Variants in PTPRK observed in about 807,000 individuals in gnomAD.
PTPRK encodes the protein receptor-type tyrosine-protein phosphatase kappa.
Under a neutral mutation model 178.0 loss-of-function variants are expected in PTPRK, and 75 were observed. The observed-to-expected ratio is 0.42, with a 90% CI of 0.35 to 0.51. The LOEUF (loss-of-function observed/expected upper bound fraction) is 0.51. Among genes scored for constraint, PTPRK ranks in the 20% least tolerant of loss-of-function variants. The pLI, the probability that PTPRK is intolerant of heterozygous loss-of-function variation, is 0.02. For missense variants in PTPRK, 1,441 were observed against 1,797.8 expected (o/e 0.80, Z 3.59); for synonymous variants, 637 against 620.6 (o/e 1.03, Z -0.39).
intron 3 of PTPRK, among the ~76,000 whole-genome samples, chr6:128,296,381 A>C (rs1439946166): frequency 1.3e-5 from 2 of 152,172 alleles, no homozygotes; most frequent in African/African-American, 4.8e-5. Flanking sequence ...GAATGCCACA[A>C]AGATACTCCT....
chr6:127,991,255 T>A lies in PTPRK; in HGVS notation c.2979+39A>T, dbSNP rs771995058. 6 of 1,485,126 alleles carry A rather than the reference T, an allele frequency of 4.0e-6. No individual in the cohort carries two copies. In the Admixed American group the frequency reaches 9.5e-5, roughly 23 times the overall value. The allele number at this position is 1,485,126 out of a possible 1,614,324, so 92.0% of individuals were successfully genotyped here. A position where few individuals can be genotyped will look rare whatever the true frequency, so the allele number is the denominator to read the frequency against. Reference sequence around the variant, plus strand: ...CTTACATGTTGCTTCTCAACTATGTTCATTTTTATGACAAAAAAATTCTTT... The same window carrying A: ...CTTACATGTTGCTTCTCAACTATGTACATTTTTATGACAAAAAAATTCTTT... On this transcript the variant is annotated intron_variant, in intron 20 of 29. Transcript: ENST00000368226.
chr6:128,343,976 G>GT (rs1832046529), intron 2 of PTPRK, among the ~76,000 whole-genome samples: 1 of 152,140 alleles, frequency 6.6e-6, no homozygotes, highest in African/African-American at 2.4e-5. Context: ...AGTGATTTTC[G>GT]TAACACTTCC....
chr6:128,192,812 A>G (rs1014120162), intron 6 of PTPRK, among the ~76,000 whole-genome samples: 1 of 139,488 alleles, frequency 7.2e-6, no homozygotes, highest in African/African-American at 2.6e-5. Context: ...ATGAGACCCT[A>G]TATCAGAAAA....
chr6:128,324,419 T>C (rs1373822303), intron 2 of PTPRK, among the ~76,000 whole-genome samples: 1 of 152,094 alleles, frequency 6.6e-6, no homozygotes, highest in Non-Finnish European at 1.5e-5. Context: ...GAATTTTCAG[T>C]CAGTTGTACC....
At chr6:128,449,966 G>A (rs1847561517) in intron 1 of PTPRK, among the ~76,000 whole-genome samples, 1 of 151,320 alleles carries the variant, frequency 6.6e-6, no homozygotes, top group African/African-American at 2.4e-5. Context: ...AAAATTGCCA[G>A]GCATAATGGC....
chr6:128,330,683 A>T (rs1391344883), intron 2 of PTPRK, among the ~76,000 whole-genome samples: 3 of 152,058 alleles, frequency 2.0e-5, no homozygotes, highest in Admixed American at 6.6e-5. Flanking sequence ...AGCCAGGTTA[A>T]TTTTTTTAAA....
chr6:128,260,206 A>G (rs974355499), intron 3 of PTPRK, among the ~76,000 whole-genome samples: 1 of 152,056 alleles, frequency 6.6e-6, no homozygotes, highest in Non-Finnish European at 1.5e-5. Context: ...ATTTTTTAAA[A>G]GATTGGATTT....
intron 1 of PTPRK, among the ~76,000 whole-genome samples, chr6:128,401,169 T>C (rs1002641191): frequency 1.3e-5 from 2 of 152,184 alleles, no homozygotes; most frequent in African/African-American, 4.8e-5. Context: ...GTTTCTATGA[T>C]AGCAAGCCAC....
intron 13 of PTPRK, among the ~76,000 whole-genome samples, chr6:128,032,581 T>C (rs1036793584): frequency 6.6e-6 from 1 of 152,140 alleles, no homozygotes; most frequent in Non-Finnish European, 1.5e-5. Context: ...TAACCAGATA[T>C]AAAAAGTCAA....
In PTPRK at chr6:127,969,504, G is replaced by A. The variant is rs1005901179; in HGVS notation, c.*723C>T. 11 of 151,698 alleles carry A rather than the reference G, an allele frequency of 7.3e-5. No homozygotes were observed. Among genetic ancestry groups the A allele is most frequent in the African/African-American group, 1.7e-4 (7 of 41,298 alleles). The allele number at this position is 151,698 out of a possible 1,614,324, so 9.4% of individuals were successfully genotyped here. The stretch of plus-strand genomic sequence containing the variant: ...ATACAAAAAATAATCTACAAAAATC[G>A]TTTACAATTGATTTTAGCTAAAGAA... On this transcript the variant is annotated 3_prime_UTR_variant, in exon 30 of 30. Transcript: ENST00000368226.
intron 13 of PTPRK, among the ~76,000 whole-genome samples, chr6:128,009,806 G>A (rs1197720979): frequency 6.6e-6 from 1 of 151,166 alleles, no homozygotes; most frequent in Non-Finnish European, 1.5e-5. Flanking sequence ...GTTGGCACAA[G>A]AGAAGAATAG....
At chr6:128,153,182 G>A (rs1797515171) in intron 7 of PTPRK, among the ~76,000 whole-genome samples, 1 of 151,908 alleles carries the variant, frequency 6.6e-6, no homozygotes, top group Non-Finnish European at 1.5e-5. Flanking sequence ...TAACTGATGT[G>A]TATGATATGT....
intron 3 of PTPRK, among the ~76,000 whole-genome samples, chr6:128,250,624 G>A (rs960349433): frequency 6.6e-6 from 1 of 152,178 alleles, no homozygotes; most frequent in African/African-American, 2.4e-5. Context: ...GAAAGTTCTA[G>A]ATAATTTTCC....
At chr6:128,445,284 AATAGT>A (rs1258287893) in intron 1 of PTPRK, among the ~76,000 whole-genome samples, 2 of 138,716 alleles carry the variant, frequency 1.4e-5, no homozygotes, top group African/African-American at 2.8e-5. Flanking sequence ...TACTATATAT[AATAGT>A]ATATTATATA....
At chr6:128,491,140 T>C (rs770853132) in intron 1 of PTPRK, among the ~76,000 whole-genome samples, 7 of 152,198 alleles carry the variant, frequency 4.6e-5, no homozygotes, top group Non-Finnish European at 1.0e-4. Flanking sequence ...AGTGCCTGGC[T>C]CATGGGAAGT....
At chr6:128,216,380 C>T (rs1256738702) in intron 6 of PTPRK, among the ~76,000 whole-genome samples, 2 of 151,744 alleles carry the variant, frequency 1.3e-5, no homozygotes, top group Non-Finnish European at 2.9e-5. Flanking sequence ...ATTAAAAATA[C>T]AAAAATTAGC....
intron 5 of PTPRK, among the ~76,000 whole-genome samples, chr6:128,227,945 A>C (rs1368033402): frequency 6.6e-6 from 1 of 152,012 alleles, no homozygotes; most frequent in Non-Finnish European, 1.5e-5. Flanking sequence ...AGGGAGGGGA[A>C]CATCACACAC....
At chr6:128,040,570 GA>G (rs1458011626) in intron 13 of PTPRK, among the ~76,000 whole-genome samples, 2 of 152,090 alleles carry the variant, frequency 1.3e-5, no homozygotes, top group Non-Finnish European at 2.9e-5. Context: ...AAGATTGTTT[GA>G]ATTGAAAATA....
At chr6:128,443,336 A>G (rs1298362261) in intron 1 of PTPRK, among the ~76,000 whole-genome samples, 1 of 152,066 alleles carries the variant, frequency 6.6e-6, no homozygotes, top group East Asian at 1.9e-4. Context: ...AAGAGGGGTG[A>G]GGAAGTGAAT....
Sources: allele counts gnomAD v4.1 joint callset (sites outside exome capture counted in the v4.1 genomes callset), GRCh38; gene constraint gnomAD v4.1.1; transcripts MANE v1.5; gene names NCBI Gene and HGNC (gene_info 2026-07-23, HGNC 2026-07-21).